Variants in FBXL17 observed in about 807,000 individuals in gnomAD.
FBXL17 encodes F-box and leucine rich repeat protein 17.
A neutral mutation model predicts 66.2 loss-of-function variants in FBXL17; 22 were observed. The ratio of observed to expected loss-of-function variants is 0.33; its 90% CI spans 0.24 to 0.47. FBXL17 has a LOEUF of 0.47. FBXL17 is among the 20% of genes least tolerant of loss of function. FBXL17 has a pLI of 1.00. For missense variants in FBXL17, 878 were observed against 948.2 expected (o/e 0.93, Z 0.97); for synonymous variants, 474 against 400.5 (o/e 1.18, Z -2.19).
At chr5:108,086,836 C>T (rs566071227) in intron 6 of FBXL17, among the ~76,000 whole-genome samples, 3 of 152,210 alleles carry the variant, frequency 2.0e-5, no homozygotes, top group Middle Eastern at 3.4e-3. Flanking sequence ...GCTGGGATTA[C>T]AGGTGTAAGC....
chr5:107,938,182 T>G (rs1000365732), intron 7 of FBXL17, among the ~76,000 whole-genome samples: 6 of 152,058 alleles, frequency 3.9e-5, no homozygotes, highest in Admixed American at 3.9e-4. Flanking sequence ...AACTGCTTTA[T>G]GGTGACCTGA....
intron 3 of FBXL17, among the ~76,000 whole-genome samples, chr5:108,353,740 C>T (rs962806074): frequency 6.6e-6 from 1 of 152,078 alleles, no homozygotes; most frequent in Non-Finnish European, 1.5e-5. Context: ...CTCTAGCCAT[C>T]CCAGCCCACC....
At chr5:108,209,251 C>G (rs369659888) in intron 5 of FBXL17, among the ~76,000 whole-genome samples, 1 of 152,156 alleles carries the variant, frequency 6.6e-6, no homozygotes, top group East Asian at 1.9e-4. Context: ...ATCATGTCAT[C>G]TTCAAAAAGA....
rs74801255 is a variant in FBXL17, at chr5:107,891,708, T to C, written c.1823-10529A>G. 4.8e-4 allele frequency among the ~76,000 whole-genome samples: 73 copies of C among 152,322 alleles called. 1 individual carries two copies. In the East Asian group the frequency reaches 9.1e-3, roughly 19 times the overall value. ...GGAATTTCTTACATGGAATTTTACA[T>C]AGTTGCTCTTTGTGTCCTTGTGTGT... On this transcript the variant is annotated intron_variant, in intron 7 of 8. Coordinates refer to ENST00000542267, the MANE Select transcript of FBXL17 (RefSeq NM_001163315.3).
intron 7 of FBXL17, among the ~76,000 whole-genome samples, chr5:107,898,348 C>T (rs1048680928): frequency 1.3e-5 from 2 of 152,076 alleles, no homozygotes; most frequent in East Asian, 1.9e-4. Context: ...TACTCCACCT[C>T]TTCCTCCTCT....
intron 4 of FBXL17, among the ~76,000 whole-genome samples, chr5:108,236,338 C>T (rs1200717375): frequency 6.6e-6 from 1 of 151,800 alleles, no homozygotes; most frequent in Admixed American, 6.6e-5. Flanking sequence ...ATGATGAAAC[C>T]CTGTCTCTAC....
chr5:107,990,012 G>A (rs1190577875), intron 7 of FBXL17, among the ~76,000 whole-genome samples: 4 of 152,162 alleles, frequency 2.6e-5, no homozygotes, highest in Admixed American at 1.3e-4. Flanking sequence ...AAAGGAGGAG[G>A]AGTGCAGATC....
chr5:107,902,232 T>G (rs2112533802), intron 7 of FBXL17, among the ~76,000 whole-genome samples: 1 of 152,286 alleles, frequency 6.6e-6, no homozygotes, highest in East Asian at 1.9e-4. Context: ...AGTTCCGAAG[T>G]TAGCTGGATA....
intron 6 of FBXL17, among the ~76,000 whole-genome samples, chr5:108,042,840 C>CT (rs915791883): frequency 6.6e-6 from 1 of 152,198 alleles, no homozygotes; most frequent in South Asian, 2.1e-4. Context: ...TGACTACACT[C>CT]TTTAACACTT....
chr5:108,060,542 T>G (rs1747880134), intron 6 of FBXL17, among the ~76,000 whole-genome samples: 2 of 152,188 alleles, frequency 1.3e-5, no homozygotes, highest in South Asian at 4.1e-4. Context: ...ATGTAGCCAC[T>G]AGTCTCTTAT....
At chr5:108,208,888 C>A (rs4276393) in intron 5 of FBXL17, among the ~76,000 whole-genome samples, 54,830 of 151,906 alleles carry the variant, frequency 0.36, 10,137 homozygotes, top group African/African-American at 0.44. Context: ...TTGAATCTAT[C>A]AATTACTTTG....
intron 5 of FBXL17, among the ~76,000 whole-genome samples, chr5:108,187,096 A>C (rs1201595332): frequency 6.6e-6 from 1 of 152,172 alleles, no homozygotes; most frequent in East Asian, 1.9e-4. Context: ...GTGGCTTAAG[A>C]AGCAAAAATT....
intron 6 of FBXL17, among the ~76,000 whole-genome samples, chr5:108,108,786 G>GT (rs200030704): frequency 0.077 from 11,112 of 144,348 alleles, 974 homozygotes; most frequent in African/African-American, 0.21. Flanking sequence ...CTTTGTTTTT[G>GT]TTTTTTTTTT....
intron 7 of FBXL17, among the ~76,000 whole-genome samples, chr5:107,930,453 C>G (rs1750692259): frequency 6.6e-6 from 1 of 152,206 alleles, no homozygotes; most frequent in South Asian, 2.1e-4. Flanking sequence ...TGTTAGGCCC[C>G]TAGCCTGTTC....
At chr5:108,100,024 A>G (rs888606163) in intron 6 of FBXL17, among the ~76,000 whole-genome samples, 5 of 152,194 alleles carry the variant, frequency 3.3e-5, no homozygotes, top group Admixed American at 3.3e-4. Context: ...TGAATAACCT[A>G]TATTAGAAAT....
chr5:107,861,988 T>C (rs1324678396), intron 8 of FBXL17, 128 bp from the exon 9 acceptor site: 2 of 1,016,056 alleles, frequency 2.0e-6, no homozygotes, highest in Non-Finnish European at 1.3e-6. Flanking sequence ...CTCCTAGCGA[T>C]GTGAGGAAGG....
intron 7 of FBXL17, among the ~76,000 whole-genome samples, chr5:107,959,848 A>C (rs1751824020): frequency 6.6e-6 from 1 of 152,172 alleles, no homozygotes; most frequent in South Asian, 2.1e-4. Flanking sequence ...TGTTGAACTA[A>C]CATAGTCTCA....
intron 6 of FBXL17, among the ~76,000 whole-genome samples, chr5:108,115,343 C>G (rs991006741): frequency 2.0e-5 from 3 of 151,684 alleles, no homozygotes; most frequent in African/African-American, 7.3e-5. Context: ...TAGGTTGAAG[C>G]TGATACAAAA....
chr5:107,880,360 T>A (rs1187406792), intron 8 of FBXL17: 2 of 985,578 alleles, frequency 2.0e-6, no homozygotes, highest in Non-Finnish European at 2.4e-6. Flanking sequence ...ATTACAGGTG[T>A]CAGTATAGAT....
Sources: allele counts gnomAD v4.1 joint callset (sites outside exome capture counted in the v4.1 genomes callset), GRCh38; gene constraint gnomAD v4.1.1; transcripts MANE v1.5; gene names NCBI Gene and HGNC (gene_info 2026-07-23, HGNC 2026-07-21).